The following SHISA9 variants were observed in gnomAD, a reference collection of about 807,000 sequenced individuals.
The protein encoded by SHISA9 is protein shisa-9.
SHISA9 carries 13 observed loss-of-function variants against 38.0 expected under a neutral mutation model. The ratio of observed to expected loss-of-function variants is 0.34; its 90% CI spans 0.22 to 0.54. The LOEUF (loss-of-function observed/expected upper bound fraction) is 0.54. SHISA9 is among the 20% of genes least tolerant of loss of function. The probability of loss-of-function intolerance (pLI) is 0.91; values close to 1 mark genes in which losing one functional copy is unlikely to be tolerated. For missense variants in SHISA9, 538 were observed against 575.8 expected (o/e 0.93, Z 0.67); for synonymous variants, 275 against 242.0 (o/e 1.14, Z -1.27).
At chr16:13,074,470 C>G (rs1418519805) in intron 2 of SHISA9, among the ~76,000 whole-genome samples, 2 of 152,094 alleles carry the variant, frequency 1.3e-5, no homozygotes, top group Non-Finnish European at 2.9e-5. Context: ...ATGGTGGTTT[C>G]TATGCACACT....
intron 2 of SHISA9, among the ~76,000 whole-genome samples, chr16:12,966,643 T>C (rs1326370127): frequency 6.6e-6 from 1 of 152,180 alleles, no homozygotes; most frequent in East Asian, 1.9e-4. Context: ...AAATATCCCT[T>C]TCTCTGGAAT....
intron 2 of SHISA9, among the ~76,000 whole-genome samples, chr16:12,944,935 G>T (rs2141765243): frequency 6.6e-6 from 1 of 152,312 alleles, no homozygotes; most frequent in African/African-American, 2.4e-5. Flanking sequence ...GTGTCATCCA[G>T]TTACAACCAT....
the SHISA9 span, among the ~76,000 whole-genome samples, chr16:13,465,496 A>T: frequency 6.6e-6 from 1 of 152,212 alleles, no homozygotes; most frequent in South Asian, 2.1e-4. Flanking sequence ...GGGAGAAACA[A>T]TACCCATAAG....
intron 2 of SHISA9, among the ~76,000 whole-genome samples, chr16:13,029,560 A>G (rs2072966252): frequency 1.3e-5 from 2 of 152,234 alleles, no homozygotes; most frequent in South Asian, 4.1e-4. Context: ...GTGAGCCGAG[A>G]TTGTGCCACT....
At chr16:13,001,863 G>A (rs1001224875) in intron 2 of SHISA9, among the ~76,000 whole-genome samples, 2 of 152,176 alleles carry the variant, frequency 1.3e-5, no homozygotes, top group African/African-American at 4.8e-5. Flanking sequence ...TGATGAGTGG[G>A]TAGAGGGGAG....
chr16:13,542,549 G>A, the SHISA9 span, among the ~76,000 whole-genome samples: 3 of 151,656 alleles, frequency 2.0e-5, no homozygotes, highest in Non-Finnish European at 2.9e-5. Context: ...TTCAATCAGC[G>A]CTGAGTTGAA....
intron 3 of SHISA9, among the ~76,000 whole-genome samples, chr16:13,205,823 A>G (rs1049771412): frequency 6.6e-6 from 1 of 151,880 alleles, no homozygotes; most frequent in Admixed American, 6.6e-5. Context: ...GCGCAGTGGC[A>G]CGATATCGGT....
chr16:13,130,975 G>A (rs1258720698), intron 2 of SHISA9, among the ~76,000 whole-genome samples: 1 of 152,200 alleles, frequency 6.6e-6, no homozygotes, highest in Non-Finnish European at 1.5e-5. Context: ...AGATACTGAT[G>A]AGGTTGTGGA....
At chr16:13,142,313 C>T (rs777452498) in intron 2 of SHISA9, among the ~76,000 whole-genome samples, 17 of 152,318 alleles carry the variant, frequency 1.1e-4, no homozygotes, top group Admixed American at 3.9e-4. Context: ...TAATAGCCCA[C>T]GTGTTCCCTT....
chr16:13,187,069 G>A (rs1468565851), intron 2 of SHISA9, among the ~76,000 whole-genome samples: 1 of 152,186 alleles, frequency 6.6e-6, no homozygotes, highest in East Asian at 1.9e-4. Flanking sequence ...ACTGCTTTCA[G>A]TTCTTTGGTT....
At chr16:13,408,767 A>G in the SHISA9 span, among the ~76,000 whole-genome samples, 1 of 152,160 alleles carries the variant, frequency 6.6e-6, no homozygotes, top group Non-Finnish European at 1.5e-5. Context: ...TCCCATTGCA[A>G]TACCACCCCC....
the SHISA9 span, among the ~76,000 whole-genome samples, chr16:13,409,328 G>A: frequency 6.6e-6 from 1 of 152,212 alleles, no homozygotes; most frequent in Admixed American, 6.5e-5. Flanking sequence ...CCAGGACACT[G>A]GACAAGAGCT....
rs528277896 is a variant in SHISA9 at position 13,021,723 on chromosome 16, A to T, written c.691+104908A>T. Reference sequence around the variant, plus strand: ...TCCTCTGAATCTCTAGGTATATTGGATGTCCCCTTTTCTGAGTTTCTAGAA... The same window carrying T: ...TCCTCTGAATCTCTAGGTATATTGGTTGTCCCCTTTTCTGAGTTTCTAGAA... On this transcript the variant is annotated intron_variant, in intron 2 of 4. Transcript: ENST00000558583. Among the ~76,000 whole-genome samples the T allele has an allele frequency of 1.2e-4, 19 of 152,284 alleles. No homozygotes were observed. In the South Asian group the frequency reaches 1.4e-3, roughly 12 times the overall value.
the SHISA9 span, among the ~76,000 whole-genome samples, chr16:13,301,367 G>A: frequency 6.6e-6 from 1 of 152,196 alleles, no homozygotes; most frequent in Non-Finnish European, 1.5e-5. Context: ...TGTCTTGAAT[G>A]AGGCACGAGA....
chr16:13,533,112 C>A, the SHISA9 span, among the ~76,000 whole-genome samples: 1 of 152,174 alleles, frequency 6.6e-6, no homozygotes, highest in Admixed American at 6.5e-5. Context: ...TCTGATCATT[C>A]TTCTCCACCA....
intron 2 of SHISA9, among the ~76,000 whole-genome samples, chr16:13,177,403 T>C (rs928949673): frequency 6.6e-6 from 1 of 152,170 alleles, no homozygotes; most frequent in Non-Finnish European, 1.5e-5. Flanking sequence ...GGCTGCCCTG[T>C]GGCCATCTGC....
chr16:13,312,239 G>A, the SHISA9 span, among the ~76,000 whole-genome samples: 1 of 152,174 alleles, frequency 6.6e-6, no homozygotes. Flanking sequence ...ATAAGCAAAT[G>A]GGTGTGGTCT....
In SHISA9 at chr16:12,902,467, C is replaced by T; in HGVS notation, c.403C>T (p.Pro135Ser). The change falls in exon 1 of 5, where the codon CCC becomes TCC. Residue 135 changes from proline to serine, a missense_variant. Pro to Ser is a moderately conservative substitution (Grantham distance 74). Transcript: ENST00000558583. ...TPLWLNTGKP[P>S]ARKDDPLHDP... ...GCTCTGGCTCAACACCGGCAAGCCCCCCGCCCGCAAGGACGACCCCTTGCA... is the reference window on the plus strand; with the variant it reads ...GCTCTGGCTCAACACCGGCAAGCCCTCCGCCCGCAAGGACGACCCCTTGCA... 3 of 1,551,570 alleles carry T rather than the reference C, an allele frequency of 1.9e-6. No individual in the cohort carries two copies. The highest frequency in any genetic ancestry group is 1.2e-5 in the South Asian group (1 of 84,068).
At chr16:13,311,882 T>G in the SHISA9 span, among the ~76,000 whole-genome samples, 3 of 152,190 alleles carry the variant, frequency 2.0e-5, no homozygotes, top group South Asian at 6.2e-4. Context: ...ACTATAGGAT[T>G]GCTGTGAAAA....
Sources: allele counts gnomAD v4.1 joint callset (sites outside exome capture counted in the v4.1 genomes callset), GRCh38; gene constraint gnomAD v4.1.1; transcripts MANE v1.5; gene names NCBI Gene and HGNC (gene_info 2026-07-23, HGNC 2026-07-21).